Variants in HERC3 observed in about 807,000 individuals in gnomAD.
The protein encoded by HERC3 is probable E3 ubiquitin-protein ligase HERC3.
HERC3 carries 58 observed loss-of-function variants against 129.9 expected under a neutral mutation model. The ratio of observed to expected loss-of-function variants is 0.45; its 90% CI spans 0.36 to 0.56. HERC3 has a LOEUF of 0.56. HERC3 is among the 20% of genes least tolerant of loss of function. The pLI is 0.00. For missense variants in HERC3, 835 were observed against 1,244.2 expected, an observed-to-expected ratio of 0.67 and a Z score of 4.95; for synonymous variants, 430 against 451.0, an observed-to-expected ratio of 0.95 and a Z score of 0.59.
At chr4:88,706,209 AGT>A (rs1393591883) in intron 25 of HERC3, among the ~76,000 whole-genome samples, 1 of 152,190 alleles carries the variant, frequency 6.6e-6, no homozygotes, top group Non-Finnish European at 1.5e-5. Context: ...CAACTATGAG[AGT>A]GTTGTTCAGC....
intron 3 of HERC3, among the ~76,000 whole-genome samples, chr4:88,623,224 T>C (rs535776336): frequency 6.6e-6 from 1 of 152,326 alleles, no homozygotes; most frequent in East Asian, 1.9e-4. Flanking sequence ...ATCAGTCATG[T>C]TTGTTCAGAA....
At chr4:88,568,450 T>C in the HERC3 span, among the ~76,000 whole-genome samples, 14 of 152,198 alleles carry the variant, frequency 9.2e-5, no homozygotes, top group Non-Finnish European at 1.6e-4. Flanking sequence ...GGAATCTACA[T>C]GGTGCTGTAT....
At chr4:88,539,499 C>T in the HERC3 span, among the ~76,000 whole-genome samples, 1 of 152,222 alleles carries the variant, frequency 6.6e-6, no homozygotes, top group Non-Finnish European at 1.5e-5. Context: ...CAGGGCATAG[C>T]TGAACAAAAG....
At chr4:88,662,175 G>T (rs1047640788) in intron 10 of HERC3, among the ~76,000 whole-genome samples, 1 of 152,158 alleles carries the variant, frequency 6.6e-6, no homozygotes, top group Non-Finnish European at 1.5e-5. Context: ...AGGCAAGCGG[G>T]CTGGACCTTT....
At chr4:88,639,544 C>T (rs932811443) in intron 3 of HERC3, among the ~76,000 whole-genome samples, 5 of 152,106 alleles carry the variant, frequency 3.3e-5, no homozygotes, top group Middle Eastern at 6.8e-3. Context: ...CTACGGTAAA[C>T]CAAAACTGGA....
At chr4:88,607,684 G>A (rs1252599787) in intron 3 of HERC3, among the ~76,000 whole-genome samples, 2 of 152,154 alleles carry the variant, frequency 1.3e-5, no homozygotes, top group African/African-American at 4.8e-5. Flanking sequence ...GTCCAGGCTG[G>A]TCTCAAACTC....
the HERC3 span, chr4:88,523,871 G>A: frequency 6.5e-6 from 4 of 618,386 alleles, no homozygotes; most frequent in Middle Eastern, 4.3e-4. Context: ...CTTCTGCTCC[G>A]ACTGCTTTTC....
chr4:88,599,984 C>A (rs1381949308), intron 2 of HERC3, among the ~76,000 whole-genome samples: 1 of 152,110 alleles, frequency 6.6e-6, no homozygotes, highest in East Asian at 1.9e-4. Context: ...TCTTTCTTTT[C>A]CTTTACTTCA....
intron 3 of HERC3, among the ~76,000 whole-genome samples, chr4:88,627,904 C>CAAAAAAAA (rs60358778): frequency 2.5e-5 from 2 of 80,932 alleles, no homozygotes; most frequent in Non-Finnish European, 2.9e-5. Flanking sequence ...AACTCCGTCT[C>CAAAAAAAA]AAAAAAAAAA....
chr4:88,694,322 T>G (rs1162233990), intron 23 of HERC3, among the ~76,000 whole-genome samples: 1 of 152,226 alleles, frequency 6.6e-6, no homozygotes, highest in Non-Finnish European at 1.5e-5. Flanking sequence ...TTAATAATTT[T>G]CATATGATTC....
chr4:88,687,743 G>T (rs1454284894), intron 23 of HERC3, among the ~76,000 whole-genome samples: 1 of 152,196 alleles, frequency 6.6e-6, no homozygotes, highest in Admixed American at 6.5e-5. Flanking sequence ...CAAAAAATAT[G>T]TGTTGAAGAA....
intron 23 of HERC3, among the ~76,000 whole-genome samples, chr4:88,698,093 T>C (rs1443806599): frequency 6.6e-6 from 1 of 152,134 alleles, no homozygotes; most frequent in Non-Finnish European, 1.5e-5. Context: ...CCCGAGGTGC[T>C]TCTTCAGGAA....
chr4:88,594,606 C>T (rs751566190), intron 1 of HERC3, among the ~76,000 whole-genome samples: 12 of 152,148 alleles, frequency 7.9e-5, no homozygotes, highest in Non-Finnish European at 1.3e-4. Context: ...AAAGACGAAA[C>T]GGGGTTTTGC....
chr4:88,703,690 T>A (rs1438837346), intron 23 of HERC3, among the ~76,000 whole-genome samples: 1 of 132,214 alleles, frequency 7.6e-6, no homozygotes, highest in African/African-American at 3.1e-5. Context: ...GGTTTAGCTT[T>A]ATTTGTTTCT....
chr4:88,642,130 C>CAAA (rs200464130), intron 3 of HERC3, among the ~76,000 whole-genome samples: 38 of 76,836 alleles, frequency 4.9e-4, no homozygotes, highest in South Asian at 1.8e-3. Flanking sequence ...GACTCTGTCT[C>CAAA]AAAAAAAAAA....
rs745494528 is a variant in HERC3 at position 88,605,916 on chromosome 4, A to G, written c.93A>G (p.Ile31Met). 15 of 1,614,090 alleles carry G rather than the reference A, an allele frequency of 9.3e-6. No individual in the cohort carries two copies. The highest frequency in any genetic ancestry group is 1.7e-5 in the Admixed American group (1 of 60,006). Residue 31 changes from isoleucine (I) to methionine (M), a missense_variant, in exon 3 of 26, where the codon ATA (isoleucine) becomes ATG (methionine). Physicochemically the swap from Ile to Met is conservative, Grantham distance 10. Transcript: ENST00000402738. ...IVAEPQVCGF[I>M]SDRSVKEVAC... is the part of the protein sequence containing the mutation. ...CTGAGCCCCAGGTGTGTGGGTTCATATCTGACAGAAGTGTCAAGGAAGTGG... is the reference window on the plus strand; with the variant it reads ...CTGAGCCCCAGGTGTGTGGGTTCATGTCTGACAGAAGTGTCAAGGAAGTGG...
At chr4:88,642,496 A>G (rs1359227206) in intron 3 of HERC3, among the ~76,000 whole-genome samples, 1 of 152,254 alleles carries the variant, frequency 6.6e-6, no homozygotes, top group Admixed American at 6.5e-5. Flanking sequence ...TAACAAAAAT[A>G]TCACAAACTT....
chr4:88,587,948 C>A (rs545430292), upstream of HERC3, among the ~76,000 whole-genome samples: 5 of 152,328 alleles, frequency 3.3e-5, no homozygotes, highest in South Asian at 2.1e-4. Context: ...AAAGGAGGAA[C>A]CTTCACGAAA....
chr4:88,547,070 A>G, the HERC3 span, among the ~76,000 whole-genome samples: 1 of 152,182 alleles, frequency 6.6e-6, no homozygotes. Context: ...CTAAACTTAT[A>G]TAATACACTA....
Sources: gnomAD v4.1 joint callset for allele counts (sites outside exome capture counted in the v4.1 genomes callset) on GRCh38, gnomAD v4.1.1 for gene constraint, MANE v1.5 for transcripts, NCBI Gene and HGNC (gene_info 2026-07-23, HGNC 2026-07-21) for gene names.